The following RALGPS1 variants were observed in gnomAD, a reference collection of about 807,000 sequenced individuals.
RALGPS1 encodes ras-specific guanine nucleotide-releasing factor RalGPS1.
In RALGPS1, 19 loss-of-function variants were observed where a neutral mutation model predicts 78.8. The ratio of observed to expected loss-of-function variants is 0.24; its 90% CI spans 0.17 to 0.35. The LOEUF (loss-of-function observed/expected upper bound fraction) is 0.35. RALGPS1 is among the 10% of genes least tolerant of loss of function. The pLI is 1.00. For missense variants in RALGPS1, 454 were observed against 688.3 expected (o/e 0.66, Z 3.81); for synonymous variants, 228 against 256.3 (o/e 0.89, Z 1.06).
intron 3 of RALGPS1, among the ~76,000 whole-genome samples, chr9:126,967,001 G>T (rs1181397004): frequency 1.3e-5 from 2 of 152,110 alleles, no homozygotes; most frequent in Non-Finnish European, 2.9e-5. Context: ...AACCCTGAAA[G>T]TGTTTCTAAC....
chr9:127,013,802 T>A (rs1237708717), intron 4 of RALGPS1, among the ~76,000 whole-genome samples: 1 of 152,188 alleles, frequency 6.6e-6, no homozygotes, highest in Non-Finnish European at 1.5e-5. Flanking sequence ...ACTCACTCTC[T>A]GATTCACCTC....
rs1223286851 is a variant in RALGPS1 at position 126,914,874 on chromosome 9, C to G, written c.-167C>G. Reference sequence around the variant, plus strand: ...CAGCTGCGCCTGGCCCGGCCCCGGCCCGGCTCGGCGTGGCCCCGGCCTCCA... The same window carrying G: ...CAGCTGCGCCTGGCCCGGCCCCGGCGCGGCTCGGCGTGGCCCCGGCCTCCA... On this transcript the variant is annotated 5_prime_UTR_variant, in exon 1 of 19. Transcript: ENST00000259351. The G allele has an allele frequency of 1.3e-5, 2 of 152,102 alleles. No homozygotes were observed. 9.4% of individuals were successfully genotyped at this position (152,102 alleles called of 1,614,324 possible).
At chr9:127,216,546 G>A (rs2062589968) in intron 18 of RALGPS1, among the ~76,000 whole-genome samples, 1 of 152,196 alleles carries the variant, frequency 6.6e-6, no homozygotes, top group Admixed American at 6.5e-5. Flanking sequence ...GCAGATCAGG[G>A]CAAAAACATT....
intron 4 of RALGPS1, among the ~76,000 whole-genome samples, chr9:127,014,350 G>A (rs2044623373): frequency 6.6e-6 from 1 of 152,146 alleles, no homozygotes; most frequent in Non-Finnish European, 1.5e-5. Flanking sequence ...CTTGGTCTGT[G>A]TGCACACCAG....
intron 1 of RALGPS1, among the ~76,000 whole-genome samples, chr9:126,917,954 A>G (rs1394075904): frequency 1.3e-5 from 2 of 152,154 alleles, no homozygotes; most frequent in Admixed American, 6.5e-5. Flanking sequence ...GGAGGAAACT[A>G]ATGACCTCTT....
intron 8 of RALGPS1, among the ~76,000 whole-genome samples, chr9:127,135,772 T>C (rs1014225648): frequency 6.6e-6 from 1 of 152,158 alleles, no homozygotes; most frequent in Non-Finnish European, 1.5e-5. Flanking sequence ...AGAGCAGAAC[T>C]CTATCCTACC....
At chr9:126,957,266 G>A (rs3947369) in intron 1 of RALGPS1, among the ~76,000 whole-genome samples, 57,344 of 152,154 alleles carry the variant, frequency 0.38, 12,652 homozygotes, top group Non-Finnish European at 0.48. Context: ...ACAGAAGAGG[G>A]CCTGAGGGCT....
intron 7 of RALGPS1, among the ~76,000 whole-genome samples, chr9:127,054,996 TGAGAGAGAGAGAGAGAGAGAGA>T (rs10555826): frequency 1.2e-4 from 16 of 139,114 alleles, no homozygotes; most frequent in South Asian, 7.5e-4. Flanking sequence ...AGAGATTGAT[TGAGAGAGAGAGAGAGAGAGAGA>T]GAGAGAGAGA....
chr9:127,005,893 C>T (rs1226013814), intron 4 of RALGPS1, among the ~76,000 whole-genome samples: 1 of 152,220 alleles, frequency 6.6e-6, no homozygotes, highest in East Asian at 1.9e-4. Flanking sequence ...TGCAAACCTT[C>T]TCCTGCTGGA....
chr9:127,029,720 G>A (rs190716498), intron 4 of RALGPS1, among the ~76,000 whole-genome samples: 4 of 152,226 alleles, frequency 2.6e-5, no homozygotes, highest in African/African-American at 2.4e-5. Context: ...CCTAGATGCC[G>A]TGGGGGTCTT....
At chr9:127,036,549 A>AAAG (rs1430668092) in intron 5 of RALGPS1, among the ~76,000 whole-genome samples, 2 of 152,230 alleles carry the variant, frequency 1.3e-5, no homozygotes, top group Non-Finnish European at 1.5e-5. Context: ...TGGGAGAAGA[A>AAAG]AAGAGAAATG....
chr9:127,042,632 C>A (rs1291154624), intron 5 of RALGPS1, among the ~76,000 whole-genome samples: 2 of 152,154 alleles, frequency 1.3e-5, no homozygotes, highest in East Asian at 1.9e-4. Context: ...GCTCTCTTAT[C>A]CGTTCTGTAC....
At chr9:126,984,395 G>A (rs188429307) in intron 4 of RALGPS1, among the ~76,000 whole-genome samples, 2 of 152,338 alleles carry the variant, frequency 1.3e-5, no homozygotes, top group East Asian at 1.9e-4. Context: ...GAGCTGCCAC[G>A]CCTGACTCTT....
chr9:126,933,798 A>C (rs569912781), intron 1 of RALGPS1, among the ~76,000 whole-genome samples: 1 of 152,224 alleles, frequency 6.6e-6, no homozygotes, highest in East Asian at 1.9e-4. Flanking sequence ...CCTTGTGCAC[A>C]ATGCTTGCGT....
chr9:126,952,656 A>AGAGAGAGAGT (rs1554763340), intron 1 of RALGPS1, among the ~76,000 whole-genome samples: 4 of 138,828 alleles, frequency 2.9e-5, no homozygotes, highest in African/African-American at 1.1e-4. Flanking sequence ...AGAGAGAGAG[A>AGAGAGAGAGT]GTGTGTGTGT....
chr9:127,099,948 C>T (rs904696579), intron 8 of RALGPS1, among the ~76,000 whole-genome samples: 1 of 152,060 alleles, frequency 6.6e-6, no homozygotes, highest in Non-Finnish European at 1.5e-5. Flanking sequence ...ATGTTTGAGG[C>T]CTAAAAAGAC....
intron 7 of RALGPS1, among the ~76,000 whole-genome samples, chr9:127,062,536 T>C (rs1320555301): frequency 6.6e-6 from 1 of 152,230 alleles, no homozygotes; most frequent in Admixed American, 6.5e-5. Flanking sequence ...GCTAGAGTAC[T>C]ACACTTTTAT....
At chr9:126,978,911 G>A (rs2040949208) in intron 4 of RALGPS1, among the ~76,000 whole-genome samples, 1 of 152,156 alleles carries the variant, frequency 6.6e-6, no homozygotes. Flanking sequence ...GTCACCTAAG[G>A]CCAAGAGTAT....
At chr9:127,209,414 C>G (rs529052175) in intron 14 of RALGPS1, among the ~76,000 whole-genome samples, 35 of 152,354 alleles carry the variant, frequency 2.3e-4, no homozygotes, top group African/African-American at 8.4e-4. Flanking sequence ...CACTCCACCC[C>G]TCTTTCTGAG....
Sources: gnomAD v4.1 joint callset for allele counts (sites outside exome capture counted in the v4.1 genomes callset) on GRCh38, gnomAD v4.1.1 for gene constraint, MANE v1.5 for transcripts, NCBI Gene and HGNC (gene_info 2026-07-23, HGNC 2026-07-21) for gene names.